The following LIPC variants were observed in gnomAD, a reference collection of about 807,000 sequenced individuals.
The protein encoded by LIPC is lipase C, hepatic type.
A neutral mutation model predicts 50.7 loss-of-function variants in LIPC; 44 were observed. The ratio of observed to expected loss-of-function variants is 0.87; its 90% CI spans 0.68 to 1.11. The LOEUF is 1.11. Among genes scored for constraint, LIPC ranks in the 50% most tolerant of loss-of-function variants. The pLI is 0.00. For missense variants in LIPC, 697 were observed against 648.2 expected (o/e 1.08, Z -0.82); for synonymous variants, 271 against 256.4 (o/e 1.06, Z -0.54).
chr15:58,432,928 C>T lies in LIPC; in HGVS notation c.88+808C>T, dbSNP rs557822858. Among the ~76,000 whole-genome samples, 31 of 152,268 alleles carry T rather than the reference C, an allele frequency of 2.0e-4. No homozygotes were observed. The South Asian group carries it at 6.2e-3, about 31-fold the overall frequency. ...TCTAAGACTAGCCTTGGAGAGAGCT[C>T]CGACAACTTTGAGAATTAGAAATTC... On this transcript the variant is annotated intron_variant, in intron 1 of 8. Coordinates refer to ENST00000299022, the MANE Select transcript of LIPC (RefSeq NM_000236.3).
At chr15:58,452,860 CTT>C (rs1467066560) in intron 1 of LIPC, among the ~76,000 whole-genome samples, 1 of 152,178 alleles carries the variant, frequency 6.6e-6, no homozygotes, top group Non-Finnish European at 1.5e-5. Context: ...GTCCTCATCT[CTT>C]GTGAGTGGTC....
intron 1 of LIPC, among the ~76,000 whole-genome samples, chr15:58,517,403 G>A (rs1892516666): frequency 6.6e-6 from 1 of 152,254 alleles, no homozygotes; most frequent in African/African-American, 2.4e-5. Context: ...CAGGAGGGGC[G>A]ACAGCCCTAA....
At chr15:58,467,647 C>G (rs1434184228) in intron 1 of LIPC, among the ~76,000 whole-genome samples, 2 of 152,164 alleles carry the variant, frequency 1.3e-5, no homozygotes, top group African/African-American at 4.8e-5. Context: ...ATTAATGCCT[C>G]TATCTTATCA....
chr15:58,512,933 T>C (rs1892374143), intron 1 of LIPC, among the ~76,000 whole-genome samples: 1 of 150,040 alleles, frequency 6.7e-6, no homozygotes, highest in Non-Finnish European at 1.5e-5. Context: ...TCATCTCCAT[T>C]ATATTGGGCA....
At chr15:58,495,226 C>T (rs192239845) in intron 1 of LIPC, among the ~76,000 whole-genome samples, 131 of 152,344 alleles carry the variant, frequency 8.6e-4, no homozygotes, top group African/African-American at 3.0e-3. Flanking sequence ...CACTTCACTG[C>T]TCTGAGCGAT....
intron 1 of LIPC, among the ~76,000 whole-genome samples, chr15:58,465,600 A>G (rs761795574): frequency 2.7e-5 from 4 of 148,998 alleles, no homozygotes; most frequent in South Asian, 2.1e-4. Context: ...GAACCGTAAC[A>G]TAACGGATGG....
intron 1 of LIPC, among the ~76,000 whole-genome samples, chr15:58,485,843 T>G (rs1366489274): frequency 1.3e-5 from 2 of 152,248 alleles, no homozygotes; most frequent in Non-Finnish European, 2.9e-5. Flanking sequence ...TTGAGGTTAC[T>G]TTCCATGTAG....
At chr15:58,522,354 C>T (rs1378927023) in intron 1 of LIPC, 1 of 152,712 alleles carries the variant, frequency 6.5e-6, no homozygotes, top group Non-Finnish European at 1.5e-5. Flanking sequence ...AAACCAAGGC[C>T]ATGCTGCAAA....
chr15:58,556,150 A>G (rs1893942235), intron 6 of LIPC, among the ~76,000 whole-genome samples: 1 of 152,220 alleles, frequency 6.6e-6, no homozygotes, highest in Non-Finnish European at 1.5e-5. Context: ...AGCTTAACAC[A>G]TAGTAGGATC....
Position 58,541,927 on chromosome 15 carries a change from T to C in LIPC, c.416T>C (p.Leu139Pro), listed in dbSNP as rs758969575. The C allele has an allele frequency of 1.6e-5, 26 of 1,611,762 alleles. No homozygotes were observed. Among genetic ancestry groups the C allele is most frequent in the Non-Finnish European group, 1.9e-5 (22 of 1,179,900 alleles). Reference protein sequence around the residue: ...HYTIAVRNTRLVGKEVAALLR... With the variant: ...HYTIAVRNTRPVGKEVAALLR... Reference sequence around the variant, plus strand: ...ACCATCGCCGTCCGCAACACCCGCCTTGTGGGCAAGGAGGTCGCGGCTCTT... The same window carrying C: ...ACCATCGCCGTCCGCAACACCCGCCCTGTGGGCAAGGAGGTCGCGGCTCTT... The change falls in exon 3 of 9, where the codon CTT becomes CCT. Residue 139 changes from leucine (L) to proline (P), a missense_variant. Transcript: ENST00000299022.
chr15:58,556,915 T>C (rs1893973026), intron 6 of LIPC, among the ~76,000 whole-genome samples: 1 of 152,246 alleles, frequency 6.6e-6, no homozygotes, highest in South Asian at 2.1e-4. Context: ...GATAATTATA[T>C]GAAACTATTA....
At chr15:58,457,381 A>G (rs1894169526) in intron 1 of LIPC, among the ~76,000 whole-genome samples, 1 of 152,204 alleles carries the variant, frequency 6.6e-6, no homozygotes, top group Non-Finnish European at 1.5e-5. Flanking sequence ...AAGTGCTGGG[A>G]TTACAGGCGT....
At chr15:58,449,597 C>T (rs540815564) in intron 1 of LIPC, among the ~76,000 whole-genome samples, 1 of 151,854 alleles carries the variant, frequency 6.6e-6, no homozygotes, top group Non-Finnish European at 1.5e-5. Flanking sequence ...CTGTCAACCA[C>T]GCTGTGCAGT....
intron 1 of LIPC, among the ~76,000 whole-genome samples, chr15:58,464,892 G>A (rs1894484607): frequency 6.6e-6 from 1 of 152,192 alleles, no homozygotes; most frequent in African/African-American, 2.4e-5. Context: ...AAAATCGCTT[G>A]AACCTGGGAG....
intron 1 of LIPC, among the ~76,000 whole-genome samples, chr15:58,479,613 GA>G (rs1313889840): frequency 6.6e-6 from 1 of 152,190 alleles, no homozygotes; most frequent in Admixed American, 6.5e-5. Flanking sequence ...TAATTTGTAG[GA>G]AAAAAATACT....
chr15:58,457,009 A>G (rs1894147307), intron 1 of LIPC, among the ~76,000 whole-genome samples: 1 of 152,266 alleles, frequency 6.6e-6, no homozygotes, highest in Non-Finnish European at 1.5e-5. Context: ...GATGATGCCC[A>G]GGGCCGGGCA....
At chr15:58,565,578 C>T in intron 8 of LIPC, 1 of 1,133,490 alleles carries the variant, frequency 8.8e-7, no homozygotes, top group Non-Finnish European at 1.1e-6. Flanking sequence ...GATTAGGAAC[C>T]TGAGGCTCAC....
At chr15:58,539,807 T>C (rs1466268488) in intron 2 of LIPC, among the ~76,000 whole-genome samples, 13 of 152,186 alleles carry the variant, frequency 8.5e-5, no homozygotes, top group African/African-American at 3.1e-4. Flanking sequence ...TGGCTTAGTC[T>C]GTGCCCTCTG....
chr15:58,517,476 C>T (rs1248267282), intron 1 of LIPC, among the ~76,000 whole-genome samples: 5 of 152,192 alleles, frequency 3.3e-5, no homozygotes, highest in African/African-American at 7.2e-5. Flanking sequence ...TTTTCTGGAG[C>T]GAACCCCTTC....
Sources: allele counts gnomAD v4.1 joint callset (sites outside exome capture counted in the v4.1 genomes callset), GRCh38; gene constraint gnomAD v4.1.1; transcripts MANE v1.5; gene names NCBI Gene and HGNC (gene_info 2026-07-23, HGNC 2026-07-21).